NNT: variants seen among roughly 807,000 people sequenced by gnomAD.
NNT encodes nicotinamide nucleotide transhydrogenase.
In NNT, 50 loss-of-function variants were observed where a neutral mutation model predicts 104.8. That is an observed-to-expected ratio of 0.48 (90% CI 0.38 to 0.60). NNT has a LOEUF of 0.60. NNT is among the 20% of genes least tolerant of loss of function. The pLI, the probability that NNT is intolerant of heterozygous loss-of-function variation, is 0.00. For missense variants in NNT, 1,131 were observed against 1,330.7 expected (o/e 0.85, Z 2.33); for synonymous variants, 461 against 490.4 (o/e 0.94, Z 0.79).
intron 10 of NNT, chr5:43,647,962 C>T (rs762052406): frequency 2.0e-6 from 1 of 495,268 alleles, no homozygotes; most frequent in South Asian, 1.5e-5. Context: ...CCTATGAAGA[C>T]ACTGAAGCAC....
intron 17 of NNT, chr5:43,666,668 A>T: frequency 1.5e-6 from 1 of 660,276 alleles, no homozygotes; most frequent in Non-Finnish European, 2.6e-6. Flanking sequence ...TATTTGTACA[A>T]ATAGCACAGG....
chr5:43,687,922 CA>C (rs1172141241), intron 19 of NNT, among the ~76,000 whole-genome samples: 1 of 151,868 alleles, frequency 6.6e-6, no homozygotes, highest in Non-Finnish European at 1.5e-5. Flanking sequence ...TTAAAGATGA[CA>C]AAAACAGTAT....
intron 14 of NNT, chr5:43,653,637 G>T (rs1290260079): frequency 6.6e-6 from 1 of 151,438 alleles, no homozygotes; most frequent in Non-Finnish European, 1.5e-5. Flanking sequence ...ATTTTATTCA[G>T]TTGTTTGCTG....
At chr5:43,607,029 CCAGGCTGG>C (rs373979652) in intron 1 of NNT, among the ~76,000 whole-genome samples, 4 of 151,724 alleles carry the variant, frequency 2.6e-5, no homozygotes, top group Non-Finnish European at 5.9e-5. Context: ...GCTCTCTCGC[CCAGGCTGG>C]CAGGCTGGCA....
At chr5:43,674,627 T>C (rs1195908904) in intron 17 of NNT, among the ~76,000 whole-genome samples, 5 of 152,242 alleles carry the variant, frequency 3.3e-5, no homozygotes, top group Admixed American at 1.3e-4. Context: ...TTCAATCACA[T>C]GCAGTGATTT....
At chr5:43,618,962 T>C (rs757548729) in intron 4 of NNT, 70 bp from the exon 5 acceptor site, 2 of 879,842 alleles carry the variant, frequency 2.3e-6, no homozygotes, top group East Asian at 6.0e-5. Context: ...TGATGACTTA[T>C]GATGATATGT....
intron 7 of NNT, among the ~76,000 whole-genome samples, chr5:43,634,276 C>G (rs1750824421): frequency 6.6e-6 from 1 of 152,106 alleles, no homozygotes; most frequent in African/African-American, 2.4e-5. Context: ...TTAAATTTAT[C>G]TTTCATATGG....
chr5:43,680,086 G>C (rs1216255103), intron 19 of NNT, among the ~76,000 whole-genome samples: 1 of 151,808 alleles, frequency 6.6e-6, no homozygotes, highest in Non-Finnish European at 1.5e-5. Context: ...GAATTAAATG[G>C]AAGAGGACTA....
intron 17 of NNT, chr5:43,667,249 G>A: frequency 1.1e-6 from 1 of 878,368 alleles, no homozygotes; most frequent in Non-Finnish European, 1.9e-6. Context: ...ACCTTAAGCT[G>A]CCGGTCCCGA....
intron 7 of NNT, among the ~76,000 whole-genome samples, chr5:43,640,827 CATAT>C (rs952683146): frequency 1.3e-5 from 2 of 150,456 alleles, no homozygotes; most frequent in South Asian, 2.1e-4. Context: ...CATATATACA[CATAT>C]ATAATATATA....
chr5:43,667,522 G>A (rs573928479), intron 17 of NNT, among the ~76,000 whole-genome samples: 1 of 152,164 alleles, frequency 6.6e-6, no homozygotes, highest in African/African-American at 2.4e-5. Flanking sequence ...GCAGTGTTTG[G>A]TTTTTTGTTC....
At chr5:43,633,609 G>T (rs1042851219) in intron 7 of NNT, among the ~76,000 whole-genome samples, 4 of 152,242 alleles carry the variant, frequency 2.6e-5, no homozygotes, top group Middle Eastern at 3.4e-3. Flanking sequence ...TCATTCCTCA[G>T]TTATCTTGTC....
intron 2 of NNT, among the ~76,000 whole-genome samples, chr5:43,610,139 G>C (rs1359110394): frequency 6.6e-6 from 1 of 151,916 alleles, no homozygotes; most frequent in African/African-American, 2.4e-5. Context: ...TCTGTTCTGG[G>C]GTACAGGCCA....
At chr5:43,701,474 C>T (rs1742848148) in intron 20 of NNT, among the ~76,000 whole-genome samples, 1 of 151,706 alleles carries the variant, frequency 6.6e-6, no homozygotes, top group African/African-American at 2.4e-5. Flanking sequence ...TTTTTTTATC[C>T]AGTGCACCAT....
At chr5:43,655,063 A>G (rs1739965176) in intron 14 of NNT, among the ~76,000 whole-genome samples, 1 of 152,036 alleles carries the variant, frequency 6.6e-6, no homozygotes, top group Non-Finnish European at 1.5e-5. Context: ...TTACCTTGGG[A>G]CTTTGCTCCC....
intron 19 of NNT, among the ~76,000 whole-genome samples, chr5:43,680,852 AG>A (rs1741669178): frequency 6.6e-6 from 1 of 152,116 alleles, no homozygotes; most frequent in African/African-American, 2.4e-5. Context: ...GATGTCTAAA[AG>A]GATTTTATGA....
chr5:43,649,359 A>T (rs748186238), intron 11 of NNT, 51 bp downstream of exon 11: 6 of 1,587,868 alleles, frequency 3.8e-6, no homozygotes, highest in Non-Finnish European at 5.2e-6. Flanking sequence ...AGGGTTACTC[A>T]GCTCTAGGAG....
chr5:43,665,594 C>G (rs1173737865), intron 17 of NNT, among the ~76,000 whole-genome samples: 1 of 152,208 alleles, frequency 6.6e-6, no homozygotes, highest in Non-Finnish European at 1.5e-5. Context: ...AAGAATTTTT[C>G]TTAGTACAGA....
intron 19 of NNT, among the ~76,000 whole-genome samples, chr5:43,693,668 G>A (rs1401033467): frequency 2.0e-5 from 3 of 152,096 alleles, no homozygotes; most frequent in African/African-American, 4.8e-5. Context: ...GGATAGCAAT[G>A]TTTGGTTAAA....
Sources: allele counts gnomAD v4.1 joint callset (sites outside exome capture counted in the v4.1 genomes callset), GRCh38; gene constraint gnomAD v4.1.1; transcripts MANE v1.5; gene names NCBI Gene and HGNC (gene_info 2026-07-23, HGNC 2026-07-21).